The following PIKFYVE variants were observed in gnomAD, a reference collection of about 807,000 sequenced individuals.
PIKFYVE encodes 1-phosphatidylinositol 3-phosphate 5-kinase.
A neutral mutation model predicts 257.9 loss-of-function variants in PIKFYVE; 122 were observed. That is an observed-to-expected ratio of 0.47 (90% CI 0.41 to 0.55). The LOEUF (loss-of-function observed/expected upper bound fraction) is 0.55, where lower values mean the gene tolerates loss of function less well. PIKFYVE is among the 20% of genes least tolerant of loss of function. The probability of loss-of-function intolerance (pLI) is 0.00; values close to 1 mark genes in which losing one functional copy is unlikely to be tolerated. For synonymous variants in PIKFYVE, 892 were observed against 868.9 expected (o/e 1.03, Z -0.47); for missense variants, 2,160 against 2,536.6 (o/e 0.85, Z 3.19).
intron 13 of PIKFYVE, 118 bp downstream of exon 13, chr2:208,312,413 G>T: frequency 1.3e-6 from 1 of 774,532 alleles, no homozygotes; most frequent in Non-Finnish European, 2.2e-6. Flanking sequence ...GATTATGGTG[G>T]TATCATGGGA....
At position 208,325,624 on chromosome 2, in the gene PIKFYVE, A is replaced by C. The variant is rs1696839085; in HGVS notation, c.2813A>C (p.Lys938Thr). 1 of 1,614,036 alleles carries C rather than the reference A, an allele frequency of 6.2e-7. No homozygotes were observed. Among genetic ancestry groups the C allele is most frequent in the Non-Finnish European group, 8.5e-7 (1 of 1,180,040 alleles). Residue 938 changes from lysine to threonine, a missense_variant, in exon 20 of 42, where the codon AAG becomes ACG. This residue lies in a region of PIKFYVE where 522 missense variants were observed against 514.6 expected (regional missense o/e 1.01). Transcript: ENST00000264380. The stretch of plus-strand genomic sequence containing the variant: ...CTGGAATTGAGGATTGTGTTTGAGA[A>C]GGGTGAGCAGGAAAATAAAAATCTT... Reference protein sequence around the residue: ...SLLELRIVFEKGEQENKNLPQ... With the variant: ...SLLELRIVFETGEQENKNLPQ...
chr2:208,315,652 T>C (rs920818986), intron 15 of PIKFYVE, among the ~76,000 whole-genome samples: 1 of 152,146 alleles, frequency 6.6e-6, no homozygotes, highest in Non-Finnish European at 1.5e-5. Context: ...TCTTGACAAG[T>C]CAGCTATGAG....
At chr2:208,309,235 T>G (rs1037271740) in intron 12 of PIKFYVE, among the ~76,000 whole-genome samples, 1 of 152,100 alleles carries the variant, frequency 6.6e-6, no homozygotes. Context: ...GATAGCAGAA[T>G]TGACATTTAA....
intron 5 of PIKFYVE, among the ~76,000 whole-genome samples, chr2:208,279,124 G>A (rs2125075784): frequency 6.6e-6 from 1 of 152,226 alleles, no homozygotes; most frequent in Non-Finnish European, 1.5e-5. Flanking sequence ...GTATCTTATT[G>A]TGGTTTTGAT....
At chr2:208,324,480 A>T (rs556786190) in intron 18 of PIKFYVE, among the ~76,000 whole-genome samples, 198 bp downstream of exon 18, 1 of 152,348 alleles carries the variant, frequency 6.6e-6, no homozygotes, top group African/African-American at 2.4e-5. Flanking sequence ...TTGATTATGT[A>T]ATACTTATTG....
At chr2:208,297,081 A>C (rs565384672) in intron 7 of PIKFYVE, among the ~76,000 whole-genome samples, 40 of 152,296 alleles carry the variant, frequency 2.6e-4, no homozygotes, top group African/African-American at 9.1e-4. Context: ...TGTGTTTTGA[A>C]TTAATGCTAA....
Position 208,315,314 on chromosome 2 carries a change from C to T in PIKFYVE, c.1948C>T (p.Pro650Ser). Residue 650 changes from proline to serine, a missense_variant, in exon 15 of 42, where the codon CCT becomes TCT. Pro to Ser is a moderately conservative substitution (Grantham distance 74, BLOSUM62 -1). Coordinates refer to ENST00000264380, the MANE Select transcript of PIKFYVE (RefSeq NM_015040.4). ...CTGCCAGGTTGTTCAGACAGTCCGACCTGATGTCAAGAACCAGGATGATGA... is the reference window on the plus strand; with the variant it reads ...CTGCCAGGTTGTTCAGACAGTCCGATCTGATGTCAAGAACCAGGATGATGA... Reference protein sequence around the residue: ...LVCQVVQTVRPDVKNQDDDMD... With the variant: ...LVCQVVQTVRSDVKNQDDDMD... 1.9e-6 allele frequency: 3 copies of T among 1,614,146 alleles called. No individual in the cohort carries two copies. Among genetic ancestry groups the T allele is most frequent in the Non-Finnish European group, 2.5e-6 (3 of 1,180,018 alleles).
At chr2:208,302,627 C>T (rs1693835926) in intron 10 of PIKFYVE, 1 of 404,850 alleles carries the variant, frequency 2.5e-6, no homozygotes, top group Non-Finnish European at 4.6e-6. Flanking sequence ...TGTGGTAGTT[C>T]TTAAATTTGG....
intron 3 of PIKFYVE, among the ~76,000 whole-genome samples, chr2:208,275,133 T>A (rs1441369993): frequency 6.6e-6 from 1 of 152,278 alleles, no homozygotes; most frequent in East Asian, 1.9e-4. Flanking sequence ...TTAAAAGGGC[T>A]GTAATTCTAT....
chr2:208,308,115 G>A (rs1694545115), intron 12 of PIKFYVE, among the ~76,000 whole-genome samples: 1 of 151,880 alleles, frequency 6.6e-6, no homozygotes. Flanking sequence ...CCTTTTTGTT[G>A]GGGCAGGGTG....
chr2:208,354,000 G>A lies in PIKFYVE; in HGVS notation c.5947G>A (p.Val1983Ile). The change falls in exon 40 of 42, where the codon GTT (valine) becomes ATT (isoleucine). Residue 1983 changes from valine (V) to isoleucine (I), a missense_variant. Physicochemically the swap from Val to Ile is conservative, Grantham distance 29 (BLOSUM62 3). This residue lies in a region of PIKFYVE where 699 missense variants were observed against 855.8 expected (regional missense o/e 0.82). Coordinates refer to ENST00000264380, the MANE Select transcript of PIKFYVE (RefSeq NM_015040.4). ...GCTAGATGAAAATCTCCTAAAGATG[G>A]TTCGAGACAACCCTCTATATATTCG... ...VLLDENLLKM[V>I]RDNPLYIRSH... is the part of the protein sequence containing the mutation. The A allele has an allele frequency of 6.2e-7, 1 of 1,614,048 alleles. No individual in the cohort carries two copies.
At chr2:208,285,207 T>C (rs1403885851) in intron 5 of PIKFYVE, among the ~76,000 whole-genome samples, 2 of 152,200 alleles carry the variant, frequency 1.3e-5, no homozygotes, top group African/African-American at 2.4e-5. Flanking sequence ...GCAATTCTCC[T>C]GCCTCACCCT....
chr2:208,276,945 C>A, intron 4 of PIKFYVE, 115 bp downstream of exon 4: 1 of 752,578 alleles, frequency 1.3e-6, no homozygotes, highest in Non-Finnish European at 2.2e-6. Flanking sequence ...CTTCCTCCAG[C>A]TGTGAGCACC....
Position 208,338,525 on chromosome 2 carries a change from A to C in PIKFYVE, c.4629A>C (p.Ala1543=), listed in dbSNP as rs61752190. The C allele has an allele frequency of 1.9e-6, 3 of 1,613,464 alleles. No homozygotes were observed. Among genetic ancestry groups the C allele is most frequent in the Admixed American group, 3.3e-5 (2 of 60,030 alleles). The change falls in exon 29 of 42, where the codon GCA becomes GCC. Residue 1543 remains alanine, a synonymous_variant. Transcript: ENST00000264380. ...GEESKISAMD[A]SPRNISPGLQ... ...CTCTACAGATAAGTGCGATGGATGC[A>C]TCTCCACGGAATATTTCTCCAGGAC...
chr2:208,330,458 C>G, intron 22 of PIKFYVE, 65 bp from the exon 23 acceptor site: 1 of 1,593,526 alleles, frequency 6.3e-7, no homozygotes, highest in Non-Finnish European at 8.6e-7. Context: ...TCATGCTGCA[C>G]TTTGACAGTG....
intron 32 of PIKFYVE, among the ~76,000 whole-genome samples, chr2:208,342,995 A>G (rs71418679): frequency 0.033 from 5,045 of 152,046 alleles, 85 homozygotes; most frequent in Middle Eastern, 0.058. Flanking sequence ...GGGTTTCACC[A>G]TAATGGTTGG....
chr2:208,354,484 AAGT>A, intron 40 of PIKFYVE, 84 bp from the exon 41 acceptor site: 1 of 1,186,770 alleles, frequency 8.4e-7, no homozygotes, highest in Non-Finnish European at 1.3e-6. Flanking sequence ...ACTGTCATAG[AAGT>A]AGTAGTAATA....
intron 18 of PIKFYVE, 32 bp from the exon 19 acceptor site, chr2:208,324,879 G>C: frequency 6.2e-7 from 1 of 1,608,526 alleles, no homozygotes; most frequent in South Asian, 1.1e-5. Flanking sequence ...TTCTTCTCTA[G>C]TTTTGTAATA....
intron 24 of PIKFYVE, 41 bp downstream of exon 24, chr2:208,333,534 A>C: frequency 2.0e-5 from 32 of 1,585,884 alleles, no homozygotes; most frequent in Non-Finnish European, 2.5e-5. Flanking sequence ...CTCAGATCTC[A>C]TAATCCCTTA....
Sources: gnomAD v4.1 joint callset for allele counts (sites outside exome capture counted in the v4.1 genomes callset) on GRCh38, gnomAD v4.1.1 for gene constraint, gnomAD v4.1.1 regional missense constraint, MANE v1.5 for transcripts, NCBI Gene and HGNC (gene_info 2026-07-23, HGNC 2026-07-21) for gene names.